Variants in PKIB observed in about 807,000 individuals in gnomAD.
The protein encoded by PKIB is cAMP-dependent protein kinase inhibitor beta.
PKIB carries 2 observed loss-of-function variants against 4.5 expected under a neutral mutation model. The ratio of observed to expected loss-of-function variants is 0.44; its 90% CI spans 0.18 to 1.39. The LOEUF (loss-of-function observed/expected upper bound fraction) is 1.39, where lower values mean the gene tolerates loss of function less well. Ranked by LOEUF, PKIB falls within the 40% of genes most tolerant of loss-of-function variation. The pLI, the probability that PKIB is intolerant of heterozygous loss-of-function variation, is 0.27. For missense variants in PKIB, 94 were observed against 92.6 expected (o/e 1.02, Z -0.06); for synonymous variants, 38 against 36.0 (o/e 1.06, Z -0.20).
intron 2 of PKIB, among the ~76,000 whole-genome samples, chr6:122,653,963 G>T (rs1009989925): frequency 1.3e-5 from 2 of 151,912 alleles, no homozygotes; most frequent in South Asian, 4.2e-4. Context: ...GTCTCAAAAC[G>T]AACAAACAAA....
intron 2 of PKIB, among the ~76,000 whole-genome samples, chr6:122,670,325 G>A (rs1212696777): frequency 6.6e-6 from 1 of 152,040 alleles, no homozygotes; most frequent in Non-Finnish European, 1.5e-5. Context: ...GCAAATAGCA[G>A]CCAGCCAGCA....
In PKIB at chr6:122,561,994, G is replaced by GTTTTT; in HGVS notation, c.-247-23922_-247-23918dup. Among the ~76,000 whole-genome samples, 14 of 40,916 alleles carry GTTTTT rather than the reference G, an allele frequency of 3.4e-4. 2 individuals carry two copies. Among genetic ancestry groups the GTTTTT allele is most frequent in the East Asian group, 8.8e-4 (1 of 1,140 alleles). The allele number at this position is 40,916 out of a possible 152,430, so 26.8% of individuals were successfully genotyped here. ...GCATAGTTTTTTTTTGTTTGTTTTT[G>GTTTTT]TTTTTTTTTGTTTTTTTTTTTTTTT... On this transcript the variant is annotated intron_variant, in intron 2 of 6. Coordinates refer to the PKIB transcript ENST00000392491.
At chr6:122,631,576 G>A (rs1562277614) in intron 1 of PKIB, among the ~76,000 whole-genome samples, 1 of 152,132 alleles carries the variant, frequency 6.6e-6, no homozygotes, top group Non-Finnish European at 1.5e-5. Context: ...CCGTATATTT[G>A]GAATTTCATT....
chr6:122,609,452 T>C (rs963427375), upstream of PKIB, among the ~76,000 whole-genome samples: 2 of 150,082 alleles, frequency 1.3e-5, no homozygotes, highest in African/African-American at 4.9e-5. Flanking sequence ...CTGAATAAAA[T>C]ATTAGTCTGA....
Position 122,486,531 on chromosome 6 carries a change from TC to T in PKIB, c.-248+8594del, listed in dbSNP as rs564574482. ...CTCTATGTTCCAATAGTATCTAACT[TC>T]CATTATGTTCCTTCTAATTTCATTT... On this transcript the variant is annotated intron_variant, in intron 2 of 6. Coordinates refer to the PKIB transcript ENST00000392491. 2.6e-3 allele frequency among the ~76,000 whole-genome samples: 396 copies of T among 152,210 alleles called. 1 individual carries two copies. The highest frequency in any genetic ancestry group is 4.8e-3 in the Non-Finnish European group (327 of 67,980).
intron 2 of PKIB, among the ~76,000 whole-genome samples, chr6:122,659,457 G>A (rs1776900692): frequency 6.6e-6 from 1 of 152,062 alleles, no homozygotes; most frequent in Non-Finnish European, 1.5e-5. Context: ...CATTTTGTAA[G>A]ACCATTTGGT....
At chr6:122,635,571 A>G (rs1026082659) in intron 2 of PKIB, among the ~76,000 whole-genome samples, 1 of 151,576 alleles carries the variant, frequency 6.6e-6, no homozygotes, top group Non-Finnish European at 1.5e-5. Flanking sequence ...AACTAAAAAA[A>G]GTATCACAAA....
intron 2 of PKIB, among the ~76,000 whole-genome samples, chr6:122,538,065 A>C (rs1452572391): frequency 6.6e-6 from 1 of 151,862 alleles, no homozygotes; most frequent in African/African-American, 2.4e-5. Flanking sequence ...TTCATTGTAG[A>C]TTCTGGATAT....
chr6:122,675,665 C>T (rs1417211441), intron 3 of PKIB, among the ~76,000 whole-genome samples: 3 of 151,970 alleles, frequency 2.0e-5, no homozygotes, highest in Non-Finnish European at 4.4e-5. Flanking sequence ...TTGTCCTATA[C>T]CCAAAACTGA....
At position 122,499,451 on chromosome 6, in the gene PKIB, A is replaced by G. The variant is rs183973073; in HGVS notation, c.-248+21512A>G. On this transcript the variant is annotated intron_variant, in intron 2 of 6. Coordinates refer to the PKIB transcript ENST00000392491. ...ATTTGCCACATAAACAGAATTAAAA[A>G]CAAAAACCATATGATTGTCTCAGTA... is the stretch of plus-strand genomic sequence containing the variant. 3.6e-3 allele frequency among the ~76,000 whole-genome samples: 554 copies of G among 152,318 alleles called. 4 individuals are homozygous for G. Among genetic ancestry groups the G allele is most frequent in the African/African-American group, 0.012 (511 of 41,568 alleles).
intron 3 of PKIB, among the ~76,000 whole-genome samples, chr6:122,593,663 A>C (rs1321402958): frequency 1.3e-5 from 2 of 152,216 alleles, no homozygotes; most frequent in Non-Finnish European, 2.9e-5. Flanking sequence ...AATCCTAGTT[A>C]AGACTGATTT....
intron 2 of PKIB, among the ~76,000 whole-genome samples, chr6:122,635,994 AT>A (rs1775904646): frequency 6.6e-6 from 1 of 152,094 alleles, no homozygotes; most frequent in Non-Finnish European, 1.5e-5. Context: ...AAAGACTAAT[AT>A]TTTCTTCATT....
At chr6:122,722,656 C>A (rs4247670) in intron 4 of PKIB, among the ~76,000 whole-genome samples, 45,057 of 151,994 alleles carry the variant, frequency 0.3, 7,148 homozygotes, top group South Asian at 0.39. Flanking sequence ...GCTTATTTTT[C>A]TAAGGGATTT....
intron 2 of PKIB, among the ~76,000 whole-genome samples, chr6:122,541,891 C>CT (rs1210815123): frequency 1.3e-5 from 2 of 151,892 alleles, no homozygotes; most frequent in Admixed American, 6.6e-5. Context: ...TCTTTTTATT[C>CT]TTTTTTCTCT....
chr6:122,665,295 T>C (rs1777174497), intron 2 of PKIB, among the ~76,000 whole-genome samples: 1 of 152,216 alleles, frequency 6.6e-6, no homozygotes. Flanking sequence ...GAGATTGTTC[T>C]TGCAGATAAT....
chr6:122,611,161 G>T (rs1271749269), intron 1 of PKIB, among the ~76,000 whole-genome samples: 3 of 152,238 alleles, frequency 2.0e-5, no homozygotes, highest in Non-Finnish European at 4.4e-5. Context: ...CGAGTGCCAG[G>T]TGGTCGCGGG....
intron 3 of PKIB, among the ~76,000 whole-genome samples, chr6:122,708,045 C>T (rs554724254): frequency 6.6e-6 from 1 of 152,256 alleles, no homozygotes; most frequent in African/African-American, 2.4e-5. Flanking sequence ...GCTTTTGGTC[C>T]TATGAATACA....
At chr6:122,685,075 A>G (rs1778044136) in intron 3 of PKIB, among the ~76,000 whole-genome samples, 2 of 152,126 alleles carry the variant, frequency 1.3e-5, no homozygotes, top group Non-Finnish European at 2.9e-5. Context: ...GTGTTATGAA[A>G]AGTTAGTCAC....
intron 4 of PKIB, among the ~76,000 whole-genome samples, chr6:122,720,853 C>G (rs962190965): frequency 6.6e-6 from 1 of 151,984 alleles, no homozygotes; most frequent in South Asian, 2.1e-4. Flanking sequence ...AGGTGCCCAC[C>G]ACCACACGCT....
Sources: allele counts gnomAD v4.1 joint callset (sites outside exome capture counted in the v4.1 genomes callset), GRCh38; gene constraint gnomAD v4.1.1; transcripts MANE v1.5; gene names NCBI Gene and HGNC (gene_info 2026-07-23, HGNC 2026-07-21).